The following ADAMTSL2 variants were observed in gnomAD, a reference collection of about 807,000 sequenced individuals.
ADAMTSL2 encodes ADAMTS-like protein 2.
Under a neutral mutation model 117.0 loss-of-function variants are expected in ADAMTSL2, and 55 were observed. The observed-to-expected ratio is 0.47, with a 90% CI of 0.38 to 0.59. The LOEUF (loss-of-function observed/expected upper bound fraction) is 0.59, where lower values mean the gene tolerates loss of function less well. Ranked by LOEUF, ADAMTSL2 falls within the 20% of genes least tolerant of loss-of-function variation. The pLI is 0.00. For missense variants in ADAMTSL2, 1,182 were observed against 1,354.5 expected (o/e 0.87, Z 2.00); for synonymous variants, 572 against 566.4 (o/e 1.01, Z -0.14).
Position 133,554,470 on chromosome 9 carries a change from G to T in ADAMTSL2, c.1053G>T (p.Glu351Asp). Residue 351 changes from glutamate (E) to aspartate (D), a missense_variant, in exon 10 of 19, where the codon GAG becomes GAT. Around this residue, in one of 3 missense-constraint regions of ADAMTSL2, gnomAD observed 345 missense variants for 325.8 expected, o/e 1.06. Transcript: ENST00000651351. This position sits in a 1 kb window ranked among gnomAD's most constrained non-coding sequence, Gnocchi z 5.2. ...ACTATGGCTTCTCCGAGAGCGCTGA[G>T]AGCCAGGGCCTGGACGGGGCCGGGC... is the stretch of plus-strand genomic sequence containing the variant. ...PIYYGFSESA[E>D]SQGLDGAGLM... The T allele has an allele frequency of 6.4e-7, 1 of 1,554,962 alleles. No individual in the cohort carries two copies. Among genetic ancestry groups the T allele is most frequent in the Non-Finnish European group, 8.7e-7 (1 of 1,149,578 alleles).
intron 9 of ADAMTSL2, among the ~76,000 whole-genome samples, chr9:133,547,666 C>A (rs1273273573): frequency 6.6e-6 from 1 of 152,200 alleles, no homozygotes; most frequent in African/African-American, 2.4e-5. Context: ...TGAGGCTGGA[C>A]CCCTCCCTAC....
Position 133,534,783 on chromosome 9 carries a change from G to A in ADAMTSL2, c.-285G>A, listed in dbSNP as rs994842201. 2.2e-5 allele frequency: 33 copies of A among 1,477,930 alleles called. No homozygotes were observed. In the African/African-American group the frequency reaches 4.1e-4, roughly 18 times the overall value. 91.6% of individuals were successfully genotyped at this position (1,477,930 alleles called of 1,614,324 possible). On this transcript the variant is annotated 5_prime_UTR_variant, in exon 1 of 19. Coordinates refer to ENST00000651351, the MANE Select transcript of ADAMTSL2 (RefSeq NM_014694.4). ...AGAGGGAGGCGGCGCGGGGGAGGAG[G>A]GGAAGGGGAGAGGGAGGCCGGGCCG...
intron 12 of ADAMTSL2, 128 bp from the exon 13 acceptor site, chr9:133,566,808 C>A: frequency 1.6e-6 from 2 of 1,263,932 alleles, no homozygotes; most frequent in Non-Finnish European, 2.2e-6. Context: ...GTTGCACAAG[C>A]TGTGACTGAT....
In ADAMTSL2 at chr9:133,534,929, C is replaced by G; in HGVS notation, c.-151+12C>G. The stretch of plus-strand genomic sequence containing the variant: ...TGACCCGAAGCCAGGTAGGCCACCT[C>G]GTCCCCGTCCCCCTCACGTTGCAGC... On this transcript the variant is annotated intron_variant, in intron 1 of 18. Transcript: ENST00000651351. 3.6e-6 allele frequency: 5 copies of G among 1,378,900 alleles called. No homozygotes were observed. The highest frequency in any genetic ancestry group is 4.7e-6 in the Non-Finnish European group (5 of 1,060,730). The allele number at this position is 1,378,900 out of a possible 1,614,324, so 85.4% of individuals were successfully genotyped here.
rs1318297936 is a variant in ADAMTSL2, at chr9:133,568,448, G to A, written c.2050G>A (p.Ala684Thr). 9.3e-6 allele frequency: 15 copies of A among 1,607,918 alleles called. No homozygotes were observed. Among genetic ancestry groups the A allele is most frequent in the South Asian group, 4.4e-5 (4 of 90,130 alleles). The change falls in exon 14 of 19, where the codon GCC becomes ACC. Residue 684 changes from alanine to threonine, a missense_variant. By Grantham distance (58) the Ala-to-Thr change is moderately conservative. This residue lies in a region of ADAMTSL2 where 465 missense variants were observed against 565.3 expected (regional missense o/e 0.82). Coordinates refer to ENST00000651351, the MANE Select transcript of ADAMTSL2 (RefSeq NM_014694.4). Reference protein sequence around the residue: ...PEERKTCRNPACGPQWEMSEW... With the variant: ...PEERKTCRNPTCGPQWEMSEW... ...GGAACGCAAGACCTGCCGGAACCCC[G>A]CCTGCGGGCCCCAGTGGGAGATGTC... is the stretch of plus-strand genomic sequence containing the variant.
chr9:133,573,997 G>A lies in ADAMTSL2; in HGVS notation c.2737+10G>A, dbSNP rs920542950. ...CCCACGGAGCCCCCAGGTGAGGCGC[G>A]GGGAGGCCGAGGGTGGCTCTGGGAA... On this transcript the variant is annotated intron_variant, in intron 18 of 18. Transcript: ENST00000651351. The A allele has an allele frequency of 3.6e-4, 584 of 1,609,782 alleles. No individual in the cohort carries two copies. The highest frequency in any genetic ancestry group is 4.5e-4 in the Non-Finnish European group (531 of 1,178,512).
intron 3 of ADAMTSL2, among the ~76,000 whole-genome samples, chr9:133,537,774 T>C (rs951077049): frequency 1.3e-5 from 2 of 152,200 alleles, no homozygotes; most frequent in Non-Finnish European, 2.9e-5. Context: ...AGGAAAGCCC[T>C]TTCACGAGAG....
rs1178754185 is a variant in ADAMTSL2, at chr9:133,554,382, C to T, written c.965C>T (p.Pro322Leu). Residue 322 changes from proline to leucine, a missense_variant, in exon 10 of 19, where the codon CCC becomes CTC. By Grantham distance (98) the Pro-to-Leu change is moderately conservative (BLOSUM62 -3). Transcript: ENST00000651351. This position sits in a 1 kb window ranked among gnomAD's most constrained non-coding sequence, Gnocchi z 5.2. ...GTGTGGAACCAGAACGGCAAAAGCC[C>T]CTCCATCACCTTCGAGTACACGCTG... ...VMVWNQNGKS[P>L]SITFEYTLLQ... is the part of the protein sequence containing the mutation. 1.9e-6 allele frequency: 3 copies of T among 1,560,208 alleles called. No homozygotes were observed. Among genetic ancestry groups the T allele is most frequent in the Admixed American group, 1.9e-5 (1 of 53,374 alleles).
In ADAMTSL2 at chr9:133,574,850, C is replaced by T; in HGVS notation, c.2842C>T (p.Pro948Ser). The change falls in exon 19 of 19, where the codon CCC becomes TCC. Residue 948 changes from proline (P) to serine (S), a missense_variant. By Grantham distance (74) the Pro-to-Ser change is moderately conservative (BLOSUM62 -1). Coordinates refer to ENST00000651351, the MANE Select transcript of ADAMTSL2 (RefSeq NM_014694.4). ...CAAGGCGTGCTGCCGCTCCTGCAGGCCCCCCCACTCCTAGGCCCGGCAGCT... is the reference window on the plus strand; with the variant it reads ...CAAGGCGTGCTGCCGCTCCTGCAGGTCCCCCCACTCCTAGGCCCGGCAGCT... ...YSKACCRSCR[P>S]PHS 1 of 1,584,832 alleles carries T rather than the reference C, an allele frequency of 6.3e-7. No homozygotes were observed. Among genetic ancestry groups the T allele is most frequent in the African/African-American group, 1.3e-5 (1 of 74,564 alleles).
At chr9:133,574,052 G>A in intron 18 of ADAMTSL2, 65 bp downstream of exon 18, 1 of 1,552,388 alleles carries the variant, frequency 6.4e-7, no homozygotes, top group South Asian at 1.2e-5. Flanking sequence ...CAGAGTCAGG[G>A]CCTGAGGGGT....
chr9:133,569,091 C>T (rs762887634), intron 15 of ADAMTSL2, among the ~76,000 whole-genome samples: 38 of 152,144 alleles, frequency 2.5e-4, no homozygotes, highest in Admixed American at 1.5e-3. Flanking sequence ...CCATCTCTGT[C>T]TCTCTGTGTC....
chr9:133,573,863 G>A lies in ADAMTSL2; in HGVS notation c.2613G>A (p.Val871=), dbSNP rs62637566. Residue 871 remains valine, a synonymous_variant, in exon 18 of 19, where the codon GTG becomes GTA. Transcript: ENST00000651351. ...PWSECTKTCG[V]GVRMRDVKCY... Reference sequence around the variant, plus strand: ...ACCAGTGCACCAAGACCTGCGGGGTGGGCGTGAGGATGCGAGACGTCAAGT... The same window carrying A: ...ACCAGTGCACCAAGACCTGCGGGGTAGGCGTGAGGATGCGAGACGTCAAGT... 216,836 of 1,613,962 alleles carry A rather than the reference G, an allele frequency of 0.13. 15,903 individuals carry two copies. The highest frequency in any genetic ancestry group is 0.15 in the Middle Eastern group (933 of 6,062).
At chr9:133,537,162 C>T (rs979762578) in intron 2 of ADAMTSL2, among the ~76,000 whole-genome samples, 1 of 152,206 alleles carries the variant, frequency 6.6e-6, no homozygotes, top group Non-Finnish European at 1.5e-5. Flanking sequence ...GCTTGCCAAG[C>T]CCCCAGGCCA....
Position 133,569,594 on chromosome 9 carries a change from C to T in ADAMTSL2, c.2415+16C>T. The T allele has an allele frequency of 6.4e-7, 1 of 1,556,402 alleles. No individual in the cohort carries two copies. The highest frequency in any genetic ancestry group is 1.2e-5 in the South Asian group (1 of 84,744). On this transcript the variant is annotated intron_variant, in intron 16 of 18. Coordinates refer to ENST00000651351, the MANE Select transcript of ADAMTSL2 (RefSeq NM_014694.4). ...CTGGGAGCGGGTGAGTGCCCCAGAG[C>T]CCGCGGAAGGGCCTCCTGGTATCTG...
chr9:133,568,537 G>C, intron 14 of ADAMTSL2, 51 bp downstream of exon 14: 1 of 1,567,646 alleles, frequency 6.4e-7, no homozygotes, highest in Non-Finnish European at 8.6e-7. Context: ...GGGGAGCTGG[G>C]CTTGGGAGAT....
rs775621284 is a variant in ADAMTSL2 at position 133,538,347 on chromosome 9, A to G, written c.234-2A>G. ...CACTCCGAGCCTGCATCTTTCTGCC[A>G]GGAGGAAGTCCGTCCCGGGCCCCGG... is the stretch of plus-strand genomic sequence containing the variant. On this transcript the variant is annotated splice_acceptor_variant, in intron 3 of 18. Transcript: ENST00000651351. LOFTEE classifies it high-confidence loss of function. 1 of 1,613,438 alleles carries G rather than the reference A, an allele frequency of 6.2e-7. No individual in the cohort carries two copies. Among genetic ancestry groups the G allele is most frequent in the South Asian group, 1.1e-5 (1 of 91,086 alleles).
intron 13 of ADAMTSL2, 35 bp downstream of exon 13, chr9:133,567,097 G>T: frequency 6.3e-7 from 1 of 1,586,238 alleles, no homozygotes; most frequent in Non-Finnish European, 8.5e-7. Context: ...CAGGGGGTCG[G>T]CAGGGGGCGT....
chr9:133,565,720 C>T (rs1044912174), intron 12 of ADAMTSL2, among the ~76,000 whole-genome samples: 4 of 152,346 alleles, frequency 2.6e-5, no homozygotes, highest in South Asian at 4.1e-4. Context: ...CACACGCCGC[C>T]GGGCGGCTGG....
intron 17 of ADAMTSL2, among the ~76,000 whole-genome samples, chr9:133,571,724 A>G (rs1263583483): frequency 1.3e-5 from 2 of 152,008 alleles, no homozygotes; most frequent in African/African-American, 2.4e-5. Context: ...GCCGCCTCAC[A>G]CCTGGCAATG....
Sources: gnomAD v4.1 joint callset for allele counts (sites outside exome capture counted in the v4.1 genomes callset) on GRCh38, gnomAD v4.1.1 for gene constraint, gnomAD v4.1.1 regional missense constraint, Gnocchi (gnomAD v3.1) non-coding constraint, MANE v1.5 for transcripts, NCBI Gene and HGNC (gene_info 2026-07-23, HGNC 2026-07-21) for gene names.